Variants in RLF observed in about 807,000 individuals in gnomAD.
The protein encoded by RLF is RLF zinc finger, also known as zinc finger protein Rlf.
A neutral mutation model predicts 162.9 loss-of-function variants in RLF; 7 were observed. The observed-to-expected ratio is 0.04, with a 90% confidence interval of 0.02 to 0.08. The LOEUF is 0.08. Among genes scored for constraint, RLF ranks in the 10% least tolerant of loss-of-function variants. RLF has a pLI of 1.00. For missense variants in RLF, 1,664 were observed against 2,244.7 expected, an observed-to-expected ratio of 0.74 and a Z score of 5.23; for synonymous variants, 782 against 791.5, an observed-to-expected ratio of 0.99 and a Z score of 0.20.
chr1:40,169,652 C>CT (rs1314063728), intron 1 of RLF, among the ~76,000 whole-genome samples: 1 of 146,518 alleles, frequency 6.8e-6, no homozygotes, highest in East Asian at 2.0e-4. Context: ...AAAATAAGTG[C>CT]TTCTTGAAAT....
chr1:40,223,034 G>A (rs571723190), intron 6 of RLF, among the ~76,000 whole-genome samples: 1 of 152,076 alleles, frequency 6.6e-6, no homozygotes, highest in Admixed American at 6.5e-5. Context: ...TATCTTCTGG[G>A]TAGTCACTCC....
chr1:40,220,805 G>T (rs1299207661), intron 5 of RLF, among the ~76,000 whole-genome samples: 2 of 151,970 alleles, frequency 1.3e-5, no homozygotes, highest in Non-Finnish European at 2.9e-5. Context: ...AGTCTAGCTG[G>T]AGAGCCATAG....
At chr1:40,195,309 C>T (rs1006868900) in intron 3 of RLF, among the ~76,000 whole-genome samples, 27 of 151,738 alleles carry the variant, frequency 1.8e-4, no homozygotes, top group African/African-American at 5.8e-4. Flanking sequence ...ATTAGCTGGG[C>T]GCGGTGACAG....
At chr1:40,187,117 C>G (rs143831826) in intron 1 of RLF, among the ~76,000 whole-genome samples, 1 of 151,842 alleles carries the variant, frequency 6.6e-6, no homozygotes, top group Non-Finnish European at 1.5e-5. Context: ...CTGCAACCTC[C>G]GCCTCCCAGG....
chr1:40,181,219 C>T (rs1254133971), intron 1 of RLF, among the ~76,000 whole-genome samples: 1 of 152,082 alleles, frequency 6.6e-6, no homozygotes, highest in Non-Finnish European at 1.5e-5. Context: ...TACTTGAGGT[C>T]AGGAGTTTGA....
Position 40,237,986 on chromosome 1 carries a change from C to T in RLF, c.3284C>T (p.Ser1095Phe). ...GGGTACCCATCCAGTGGTGCTAAGTCTCTTCAGTCAGTTTCATCTATCTCA... is the reference window on the plus strand; with the variant it reads ...GGGTACCCATCCAGTGGTGCTAAGTTTCTTCAGTCAGTTTCATCTATCTCA... ...LQGYPSSGAK[S>F]LQSVSSISDL... Residue 1095 changes from serine (S) to phenylalanine (F), a missense_variant, in exon 8 of 8, where the codon TCT becomes TTT. Ser to Phe is a radical substitution (Grantham distance 155). This residue lies in a region of RLF where 295 missense variants were observed against 317.4 expected (regional missense o/e 0.93). Coordinates refer to ENST00000372771, the MANE Select transcript of RLF (RefSeq NM_012421.4). This position sits in a 1 kb window ranked among gnomAD's most constrained non-coding sequence, Gnocchi z 4.4. 3 of 1,614,136 alleles carry T rather than the reference C, an allele frequency of 1.9e-6. No homozygotes were observed. The highest frequency in any genetic ancestry group is 2.5e-6 in the Non-Finnish European group (3 of 1,179,998).
At chr1:40,167,550 T>C (rs1284076631) in intron 1 of RLF, among the ~76,000 whole-genome samples, 1 of 152,118 alleles carries the variant, frequency 6.6e-6, no homozygotes, top group Admixed American at 6.6e-5. Flanking sequence ...CTCTTCTGAA[T>C]AGTGTTGACA....
chr1:40,164,774 A>G (rs1642143093), intron 1 of RLF, among the ~76,000 whole-genome samples: 2 of 152,128 alleles, frequency 1.3e-5, no homozygotes, highest in Non-Finnish European at 2.9e-5. Flanking sequence ...TTATTGAGTG[A>G]TTATGTGATT....
chr1:40,188,232 A>C (rs1401887449), intron 1 of RLF, among the ~76,000 whole-genome samples: 4 of 152,234 alleles, frequency 2.6e-5, no homozygotes, highest in Non-Finnish European at 5.9e-5. Context: ...GTGATTTTTC[A>C]ACACTGTCCA....
intron 1 of RLF, among the ~76,000 whole-genome samples, chr1:40,184,674 C>T (rs1642448567): frequency 6.6e-6 from 1 of 152,034 alleles, no homozygotes; most frequent in South Asian, 2.1e-4. Flanking sequence ...ATGAGAGCAC[C>T]GAATAGTCAA....
chr1:40,186,831 G>T (rs1359643412), intron 1 of RLF, among the ~76,000 whole-genome samples: 1 of 152,126 alleles, frequency 6.6e-6, no homozygotes, highest in African/African-American at 2.4e-5. Flanking sequence ...GTCCTGTGGG[G>T]GTGGAAGTGG....
At chr1:40,186,845 G>C (rs955409013) in intron 1 of RLF, among the ~76,000 whole-genome samples, 5 of 152,174 alleles carry the variant, frequency 3.3e-5, no homozygotes, top group Admixed American at 3.3e-4. Context: ...GAAGTGGGTA[G>C]AGGAGTGGTA....
intron 1 of RLF, among the ~76,000 whole-genome samples, chr1:40,163,153 T>C (rs1642119902): frequency 6.6e-6 from 1 of 152,202 alleles, no homozygotes; most frequent in African/African-American, 2.4e-5. Flanking sequence ...AATTGTAGTA[T>C]GTGCTTAGAA....
intron 4 of RLF, among the ~76,000 whole-genome samples, chr1:40,196,665 A>G (rs1452366307): frequency 6.6e-6 from 1 of 152,034 alleles, no homozygotes; most frequent in Admixed American, 6.6e-5. Context: ...GTGTACAGTT[A>G]ATTTTTCTAT....
chr1:40,190,569 T>C (rs527318257), intron 2 of RLF, among the ~76,000 whole-genome samples: 22 of 152,192 alleles, frequency 1.4e-4, no homozygotes, highest in Non-Finnish European at 2.9e-4. Flanking sequence ...AAAGCAACAA[T>C]GTAAATATAA....
intron 5 of RLF, among the ~76,000 whole-genome samples, chr1:40,221,917 A>AAAAAAAAAAAAAAAAAAGAG (rs1486982312): frequency 6.0e-5 from 9 of 150,276 alleles, no homozygotes; most frequent in African/African-American, 2.2e-4. Context: ...AAAAAAAAAA[A>AAAAAAAAAAAAAAAAAAGAG]AGAGAAAGGA....
intron 4 of RLF, among the ~76,000 whole-genome samples, chr1:40,196,835 G>A (rs534289845): frequency 2.0e-5 from 3 of 152,082 alleles, no homozygotes; most frequent in African/African-American, 4.8e-5. Context: ...ATTGTCAGTC[G>A]AAGACCAGAA....
chr1:40,214,918 CAA>C (rs34756935), intron 5 of RLF, among the ~76,000 whole-genome samples: 825 of 14,066 alleles, frequency 0.059, 2 homozygotes, highest in African/African-American at 0.18. Context: ...GAGCCTGTCT[CAA>C]AAAAAAAAAA....
At chr1:40,186,633 TA>T (rs1405620564) in intron 1 of RLF, among the ~76,000 whole-genome samples, 1 of 152,202 alleles carries the variant, frequency 6.6e-6, no homozygotes, top group Non-Finnish European at 1.5e-5. Context: ...AGCAGTTGGT[TA>T]ATTTGCATGT....
Sources: allele counts gnomAD v4.1 joint callset (sites outside exome capture counted in the v4.1 genomes callset), GRCh38; gene constraint gnomAD v4.1.1; regional missense constraint gnomAD v4.1.1; non-coding constraint Gnocchi (gnomAD v3.1); transcripts MANE v1.5; gene names NCBI Gene and HGNC (gene_info 2026-07-23, HGNC 2026-07-21).